NFIB: variants seen among roughly 807,000 people sequenced by gnomAD.
The protein encoded by NFIB is nuclear factor 1 B-type.
In NFIB, 11 loss-of-function variants were observed where a neutral mutation model predicts 61.5. The observed-to-expected ratio is 0.18, with a 90% confidence interval of 0.11 to 0.30. The LOEUF (loss-of-function observed/expected upper bound fraction) is 0.30. Ranked by LOEUF, NFIB falls within the 10% of genes least tolerant of loss-of-function variation. The probability of loss-of-function intolerance (pLI) is 1.00; values close to 1 mark genes in which losing one functional copy is unlikely to be tolerated. For missense variants in NFIB, 471 were observed against 608.9 expected, an observed-to-expected ratio of 0.77 and a Z score of 2.38; for synonymous variants, 260 against 216.5, an observed-to-expected ratio of 1.20 and a Z score of -1.76.
At chr9:14,317,604 G>T (rs2060571153), upstream of NFIB, among the ~76,000 whole-genome samples, 1 of 152,214 alleles carries the variant, frequency 6.6e-6, no homozygotes, top group Non-Finnish European at 1.5e-5. Context: ...AGGTTTATGG[G>T]GGTGCTCAGT....
At chr9:14,285,911 G>C (rs942968121) in intron 2 of NFIB, among the ~76,000 whole-genome samples, 5 of 152,130 alleles carry the variant, frequency 3.3e-5, no homozygotes, top group Admixed American at 3.3e-4. Flanking sequence ...GAGCCTCTGG[G>C]ACTTCAAAAC....
At chr9:14,220,059 A>G (rs1166062605) in intron 2 of NFIB, among the ~76,000 whole-genome samples, 1 of 152,018 alleles carries the variant, frequency 6.6e-6, no homozygotes, top group East Asian at 1.9e-4. Flanking sequence ...GGCGTACTAC[A>G]CTTTCTGCAT....
the NFIB span, among the ~76,000 whole-genome samples, chr9:14,508,989 G>C: frequency 6.6e-6 from 1 of 152,170 alleles, no homozygotes; most frequent in Admixed American, 6.5e-5. Context: ...GAGAATGAAG[G>C]TGTAAAGACA....
chr9:14,384,517 C>G (rs1384326925), intron 1 of NFIB, among the ~76,000 whole-genome samples: 3 of 152,150 alleles, frequency 2.0e-5, no homozygotes, highest in African/African-American at 7.2e-5. Context: ...CAAACCTGAT[C>G]CTTGCTACTT....
chr9:14,284,862 G>A (rs556765469), intron 2 of NFIB, among the ~76,000 whole-genome samples: 1 of 152,114 alleles, frequency 6.6e-6, no homozygotes, highest in South Asian at 2.1e-4. Context: ...TGAACAGTTG[G>A]ATTCCTAAGT....
the NFIB span, among the ~76,000 whole-genome samples, chr9:14,482,593 G>A: frequency 6.6e-6 from 1 of 152,200 alleles, no homozygotes; most frequent in Non-Finnish European, 1.5e-5. Flanking sequence ...ATGTCTATCT[G>A]TGCAAAGCAC....
intron 10 of NFIB, among the ~76,000 whole-genome samples, chr9:14,094,917 T>A (rs922308490): frequency 2.6e-5 from 4 of 152,118 alleles, no homozygotes; most frequent in Non-Finnish European, 5.9e-5. Flanking sequence ...GCACAGTGGA[T>A]TGAATGTTAA....
At chr9:14,136,624 G>A (rs907639124) in intron 6 of NFIB, among the ~76,000 whole-genome samples, 3 of 152,058 alleles carry the variant, frequency 2.0e-5, no homozygotes, top group African/African-American at 4.8e-5. Context: ...TATTATCCAC[G>A]CTGGTAATGG....
chr9:14,268,224 C>G (rs1057119937), intron 2 of NFIB, among the ~76,000 whole-genome samples: 3 of 152,074 alleles, frequency 2.0e-5, no homozygotes, highest in Non-Finnish European at 2.9e-5. Flanking sequence ...GACCTCCTCC[C>G]TTCACTCCAT....
chr9:14,344,134 G>A (rs1013671657), intron 1 of NFIB, among the ~76,000 whole-genome samples: 70 of 148,126 alleles, frequency 4.7e-4, no homozygotes, highest in African/African-American at 1.7e-3. Flanking sequence ...GAGAGAGAGA[G>A]AAACACTAAG....
chr9:14,446,163 T>C, the NFIB span, among the ~76,000 whole-genome samples: 1 of 152,208 alleles, frequency 6.6e-6, no homozygotes, highest in Admixed American at 6.5e-5. Context: ...TTCCTCATTT[T>C]GATTTTGGTT....
chr9:14,487,724 G>A, the NFIB span, among the ~76,000 whole-genome samples: 3 of 152,148 alleles, frequency 2.0e-5, no homozygotes, highest in East Asian at 5.8e-4. Context: ...CACAGCTAAC[G>A]CAGCAGCCAG....
chr9:14,491,281 G>C, the NFIB span, among the ~76,000 whole-genome samples: 1 of 151,928 alleles, frequency 6.6e-6, no homozygotes, highest in Admixed American at 6.6e-5. Context: ...AGTGCACATA[G>C]GCTTTTGACA....
At chr9:14,304,141 A>T (rs80212503) in intron 2 of NFIB, among the ~76,000 whole-genome samples, 3,621 of 152,288 alleles carry the variant, frequency 0.024, 147 homozygotes, top group African/African-American at 0.083. Context: ...TTTTTCCCAA[A>T]CCATATCAGA....
the NFIB span, among the ~76,000 whole-genome samples, chr9:14,511,851 ATCT>A: frequency 1.7e-4 from 26 of 152,196 alleles, no homozygotes; most frequent in Admixed American, 3.9e-4. Flanking sequence ...TTTTTCTTGG[ATCT>A]TCTTATTTCT....
chr9:14,397,042 G>A (rs1189670507), intron 1 of NFIB, among the ~76,000 whole-genome samples: 1 of 152,168 alleles, frequency 6.6e-6, no homozygotes, highest in Non-Finnish European at 1.5e-5. Context: ...TTCAGTTCTG[G>A]GAAGAGGAGT....
the NFIB span, among the ~76,000 whole-genome samples, chr9:14,404,375 C>G: frequency 2.0e-5 from 3 of 152,148 alleles, no homozygotes; most frequent in Admixed American, 2.0e-4. Flanking sequence ...CAAGACAGCT[C>G]TAGATGAAAG....
At chr9:14,394,481 G>T (rs1049154535) in intron 1 of NFIB, among the ~76,000 whole-genome samples, 5 of 152,160 alleles carry the variant, frequency 3.3e-5, no homozygotes, top group African/African-American at 1.2e-4. Context: ...CTTACATGGT[G>T]GCAGGCAAAA....
the NFIB span, among the ~76,000 whole-genome samples, chr9:14,427,937 G>GTTT: frequency 4.8e-4 from 21 of 43,418 alleles, 7 homozygotes; most frequent in East Asian, 2.4e-3. Context: ...TAATTCAGTT[G>GTTT]TTTTTTTTTT....
Sources: allele counts gnomAD v4.1 joint callset (sites outside exome capture counted in the v4.1 genomes callset), GRCh38; gene constraint gnomAD v4.1.1; transcripts MANE v1.5; gene names NCBI Gene and HGNC (gene_info 2026-07-23, HGNC 2026-07-21).